Variants in MGAT4C observed in about 807,000 individuals in gnomAD.
MGAT4C encodes MGAT4 family member C.
In MGAT4C, 19 loss-of-function variants were observed where a neutral mutation model predicts 40.1. That is an observed-to-expected ratio of 0.47 (90% CI 0.33 to 0.70). The LOEUF (loss-of-function observed/expected upper bound fraction) is 0.70. Among genes scored for constraint, MGAT4C ranks in the 30% least tolerant of loss-of-function variants. The probability of loss-of-function intolerance (pLI) is 0.02; values close to 1 mark genes in which losing one functional copy is unlikely to be tolerated. For missense variants in MGAT4C, 491 were observed against 563.2 expected, an observed-to-expected ratio of 0.87 and a Z score of 1.30; for synonymous variants, 181 against 187.1, an observed-to-expected ratio of 0.97 and a Z score of 0.27.
At chr12:86,149,840 T>C (rs146795284) in intron 1 of MGAT4C, among the ~76,000 whole-genome samples, 8 of 152,294 alleles carry the variant, frequency 5.3e-5, no homozygotes, top group African/African-American at 1.9e-4. Context: ...AGAGAAAATT[T>C]AAGGCATTCA....
intron 2 of MGAT4C, among the ~76,000 whole-genome samples, chr12:86,612,098 C>T (rs1025238236): frequency 6.6e-6 from 1 of 152,118 alleles, no homozygotes; most frequent in African/African-American, 2.4e-5. Context: ...GGGACCTCTA[C>T]CTATTTGTCC....
rs1883647871 is a variant in MGAT4C, at chr12:85,972,138, T to C, written c.*7151A>G. ...AATTTTCTAAATGTTTTTCCAAAAA[T>C]AGTTGGTTCTTGTAAGTGATTTTGA... is the stretch of plus-strand genomic sequence containing the variant. On this transcript the variant is annotated 3_prime_UTR_variant, in exon 5 of 5. Coordinates refer to ENST00000611864, the MANE Select transcript of MGAT4C (RefSeq NM_001351288.2). 6.6e-6 allele frequency: 1 copy of C among 151,162 alleles called. No individual in the cohort carries two copies. The highest frequency in any genetic ancestry group is 2.4e-5 in the African/African-American group (1 of 41,346). The allele number at this position is 151,162 out of a possible 1,614,324, so 9.4% of individuals were successfully genotyped here.
At chr12:86,797,006 T>C (rs1952135604) in intron 1 of MGAT4C, among the ~76,000 whole-genome samples, 1 of 151,910 alleles carries the variant, frequency 6.6e-6, no homozygotes. Flanking sequence ...GGATGGCTTA[T>C]CTTTTTGACT....
chr12:86,140,088 A>T (rs545334468), intron 1 of MGAT4C, among the ~76,000 whole-genome samples: 2 of 152,020 alleles, frequency 1.3e-5, no homozygotes, highest in Admixed American at 1.3e-4. Flanking sequence ...TACTGGCCTT[A>T]AATTTCTTTT....
intron 1 of MGAT4C, among the ~76,000 whole-genome samples, chr12:86,792,054 T>C (rs148847954): frequency 6.6e-6 from 1 of 152,284 alleles, no homozygotes; most frequent in East Asian, 1.9e-4. Context: ...GTGTACAACG[T>C]TGACAGAAAA....
intron 1 of MGAT4C, among the ~76,000 whole-genome samples, chr12:86,214,657 A>G (rs992550018): frequency 2.6e-5 from 4 of 152,102 alleles, no homozygotes; most frequent in Admixed American, 2.6e-4. Context: ...GCCTCTTCCT[A>G]TGAGCACACT....
intron 1 of MGAT4C, among the ~76,000 whole-genome samples, chr12:86,743,106 GTGTGTATGCA>G (rs1951097568): frequency 1.4e-5 from 2 of 140,754 alleles, no homozygotes; most frequent in Non-Finnish European, 3.1e-5. Flanking sequence ...GTGTATGTAT[GTGTGTATGCA>G]TGTGTGTGTG....
chr12:86,089,576 A>G lies in MGAT4C; in HGVS notation c.-56-39853T>C, dbSNP rs187594315. On this transcript the variant is annotated intron_variant, in intron 1 of 4. Transcript: ENST00000611864. ...TTTAGCAATTTCTCTGTTTATTTCTAAAGTGTTTTGTTTTGTTTATGTCTT... is the reference window on the plus strand; with the variant it reads ...TTTAGCAATTTCTCTGTTTATTTCTGAAGTGTTTTGTTTTGTTTATGTCTT... 2.3e-3 allele frequency among the ~76,000 whole-genome samples: 352 copies of G among 151,872 alleles called. 8 individuals carry two copies. The highest frequency in any genetic ancestry group is 0.02 in the Admixed American group (305 of 15,210).
At chr12:86,048,324 G>C (rs984282275) in intron 2 of MGAT4C, among the ~76,000 whole-genome samples, 2 of 152,016 alleles carry the variant, frequency 1.3e-5, no homozygotes, top group Non-Finnish European at 2.9e-5. Context: ...GAGAGTGTGG[G>C]AGGGAGGGAG....
chr12:86,695,402 G>T (rs981107376), intron 2 of MGAT4C, among the ~76,000 whole-genome samples: 4 of 152,182 alleles, frequency 2.6e-5, no homozygotes, highest in Non-Finnish European at 5.9e-5. Flanking sequence ...ATATGATCCA[G>T]CAATCCCACT....
intron 2 of MGAT4C, among the ~76,000 whole-genome samples, chr12:86,469,019 T>A (rs1194733236): frequency 6.6e-6 from 1 of 152,154 alleles, no homozygotes; most frequent in Non-Finnish European, 1.5e-5. Context: ...ATTTTGTTTG[T>A]CATTCATTGT....
At chr12:86,145,602 G>A (rs1883408614) in intron 1 of MGAT4C, among the ~76,000 whole-genome samples, 1 of 152,038 alleles carries the variant, frequency 6.6e-6, no homozygotes, top group Admixed American at 6.6e-5. Flanking sequence ...GTTTTGTTAT[G>A]GATTCTCATG....
chr12:86,229,995 A>T (rs543364260), intron 1 of MGAT4C, among the ~76,000 whole-genome samples: 5 of 152,124 alleles, frequency 3.3e-5, no homozygotes, highest in Non-Finnish European at 7.4e-5. Flanking sequence ...ATGGAAAGAG[A>T]CAATGTCAAT....
intron 1 of MGAT4C, among the ~76,000 whole-genome samples, chr12:86,133,409 A>G (rs1343989151): frequency 6.6e-6 from 1 of 152,210 alleles, no homozygotes; most frequent in African/African-American, 2.4e-5. Flanking sequence ...TTTTGGAAGC[A>G]TTTTAGAGTA....
chr12:86,434,455 T>C (rs1231335014), intron 3 of MGAT4C, among the ~76,000 whole-genome samples: 3 of 151,930 alleles, frequency 2.0e-5, no homozygotes, highest in Non-Finnish European at 4.4e-5. Flanking sequence ...TATACACATG[T>C]ATATGCTCTC....
chr12:86,576,668 C>T (rs1177406164), intron 2 of MGAT4C, among the ~76,000 whole-genome samples: 2 of 151,864 alleles, frequency 1.3e-5, no homozygotes, highest in South Asian at 4.1e-4. Context: ...CTGTTCTGTT[C>T]CACTGGTCTA....
At chr12:86,768,216 A>G (rs1326723233) in intron 1 of MGAT4C, among the ~76,000 whole-genome samples, 1 of 152,200 alleles carries the variant, frequency 6.6e-6, no homozygotes, top group Non-Finnish European at 1.5e-5. Flanking sequence ...ATTCTTATAC[A>G]CCAATAGCAG....
chr12:86,278,381 G>C (rs1953130900), intron 4 of MGAT4C, among the ~76,000 whole-genome samples: 1 of 151,922 alleles, frequency 6.6e-6, no homozygotes, highest in South Asian at 2.1e-4. Flanking sequence ...ATTTCACCAT[G>C]CTGGGCAGGC....
chr12:86,476,782 A>G (rs1565787684), intron 2 of MGAT4C, among the ~76,000 whole-genome samples: 6 of 152,284 alleles, frequency 3.9e-5, no homozygotes, highest in Admixed American at 3.9e-4. Flanking sequence ...TTGCAGCAAC[A>G]TGGATGGAAC....
Sources: allele counts gnomAD v4.1 joint callset (sites outside exome capture counted in the v4.1 genomes callset), GRCh38; gene constraint gnomAD v4.1.1; transcripts MANE v1.5; gene names NCBI Gene and HGNC (gene_info 2026-07-23, HGNC 2026-07-21).